LINGO2: variants seen among roughly 807,000 people sequenced by gnomAD.
LINGO2 encodes the protein leucine rich repeat and Ig domain containing 2, also known as leucine-rich repeat and immunoglobulin-like domain-containing nogo receptor-interacting protein 2.
In LINGO2, 14 loss-of-function variants were observed where a neutral mutation model predicts 30.6. The ratio of observed to expected loss-of-function variants is 0.46; its 90% confidence interval spans 0.30 to 0.72. The LOEUF is 0.72. Among genes scored for constraint, LINGO2 ranks in the 30% least tolerant of loss-of-function variants. The probability of loss-of-function intolerance (pLI) is 0.07; values close to 1 mark genes in which losing one functional copy is unlikely to be tolerated. For missense variants in LINGO2, 729 were observed against 751.7 expected (o/e 0.97, Z 0.35); for synonymous variants, 317 against 288.5 (o/e 1.10, Z -1.00).
the LINGO2 span, among the ~76,000 whole-genome samples, chr9:29,035,456 G>A: frequency 2.6e-5 from 4 of 151,922 alleles, no homozygotes; most frequent in South Asian, 6.3e-4. Context: ...CTCAGACTTG[G>A]ACGGTTGAAT....
At chr9:28,558,964 A>G (rs1822898844) in intron 1 of LINGO2, among the ~76,000 whole-genome samples, 1 of 152,058 alleles carries the variant, frequency 6.6e-6, no homozygotes, top group Non-Finnish European at 1.5e-5. Flanking sequence ...TAGAGAAAAA[A>G]GTAGTATATT....
At chr9:28,855,882 C>T in the LINGO2 span, among the ~76,000 whole-genome samples, 1 of 152,064 alleles carries the variant, frequency 6.6e-6, no homozygotes. Flanking sequence ...CCATCCCTGA[C>T]TATTCTTGCC....
the LINGO2 span, among the ~76,000 whole-genome samples, chr9:28,986,526 A>G: frequency 2.0e-5 from 3 of 152,038 alleles, no homozygotes; most frequent in South Asian, 6.2e-4. Context: ...CTTTCCATTT[A>G]TTTGTGTCTT....
chr9:28,771,399 T>C, the LINGO2 span, among the ~76,000 whole-genome samples: 1 of 151,956 alleles, frequency 6.6e-6, no homozygotes, highest in Admixed American at 6.6e-5. Flanking sequence ...TATGTCTTTC[T>C]GTGACTGAAA....
chr9:28,218,440 G>A (rs1820845617), intron 4 of LINGO2, among the ~76,000 whole-genome samples: 1 of 151,794 alleles, frequency 6.6e-6, no homozygotes, highest in South Asian at 2.1e-4. Context: ...TAGAAAACCA[G>A]TTCTGTCCAC....
chr9:29,141,465 A>G, the LINGO2 span, among the ~76,000 whole-genome samples: 1 of 151,932 alleles, frequency 6.6e-6, no homozygotes, highest in Admixed American at 6.6e-5. Context: ...TACAAAAATA[A>G]CAAAATGAAA....
intron 3 of LINGO2, among the ~76,000 whole-genome samples, chr9:28,302,897 G>C (rs1181766685): frequency 6.6e-6 from 1 of 152,122 alleles, no homozygotes; most frequent in Non-Finnish European, 1.5e-5. Flanking sequence ...AAAGCATGGG[G>C]TCAGAAAAGA....
chr9:28,073,472 C>T (rs1208099162), intron 4 of LINGO2, among the ~76,000 whole-genome samples: 3 of 152,112 alleles, frequency 2.0e-5, no homozygotes, highest in African/African-American at 7.2e-5. Flanking sequence ...TCCTGGCTCC[C>T]AGTTTCCATA....
chr9:28,226,395 T>C (rs1165974516), intron 4 of LINGO2, among the ~76,000 whole-genome samples: 1 of 152,046 alleles, frequency 6.6e-6, no homozygotes, highest in African/African-American at 2.4e-5. Context: ...CAGTCTCTTA[T>C]ATATACCTCC....
chr9:28,538,825 G>C (rs1023252958), intron 1 of LINGO2, among the ~76,000 whole-genome samples: 3 of 151,976 alleles, frequency 2.0e-5, no homozygotes, highest in Non-Finnish European at 4.4e-5. Flanking sequence ...TGTTGCATTG[G>C]GGTTTTGGGG....
chr9:28,917,176 G>C, the LINGO2 span, among the ~76,000 whole-genome samples: 2 of 152,134 alleles, frequency 1.3e-5, no homozygotes, highest in African/African-American at 4.8e-5. Flanking sequence ...TAATGAGTGA[G>C]AAGTGGGAAA....
At chr9:28,698,489 C>T in the LINGO2 span, among the ~76,000 whole-genome samples, 2 of 151,930 alleles carry the variant, frequency 1.3e-5, no homozygotes, top group African/African-American at 4.8e-5. Context: ...TGTGTTTTGG[C>T]AATTGTTTTA....
chr9:28,090,442 AACAG>A (rs1236075490), intron 4 of LINGO2, among the ~76,000 whole-genome samples: 1 of 152,224 alleles, frequency 6.6e-6, no homozygotes, highest in African/African-American at 2.4e-5. Context: ...CCAACATATA[AACAG>A]AACCAAAGAC....
At chr9:28,538,076 T>C (rs930815091) in intron 1 of LINGO2, among the ~76,000 whole-genome samples, 13 of 152,052 alleles carry the variant, frequency 8.5e-5, no homozygotes, top group African/African-American at 2.7e-4. Context: ...TAGAATTGTA[T>C]ACCTAGTTGG....
At chr9:28,858,402 T>A in the LINGO2 span, among the ~76,000 whole-genome samples, 9 of 152,166 alleles carry the variant, frequency 5.9e-5, 1 homozygote, top group African/African-American at 2.2e-4. Flanking sequence ...AATGTAGAAC[T>A]ACTGATCTAA....
chr9:28,503,789 G>C (rs1048775121), intron 1 of LINGO2, among the ~76,000 whole-genome samples: 1 of 151,788 alleles, frequency 6.6e-6, no homozygotes, highest in African/African-American at 2.4e-5. Flanking sequence ...GAATGTTGGT[G>C]GTGAGCAGGA....
chr9:28,609,161 T>TTG (rs963630580), intron 1 of LINGO2, among the ~76,000 whole-genome samples: 2 of 151,716 alleles, frequency 1.3e-5, no homozygotes, highest in South Asian at 2.1e-4. Flanking sequence ...AAAGAGTTTT[T>TTG]TTTTTTTTTT....
the LINGO2 span, among the ~76,000 whole-genome samples, chr9:28,930,463 T>A: frequency 6.6e-5 from 10 of 152,334 alleles, no homozygotes; most frequent in Admixed American, 2.0e-4. The surrounding 1 kb of genome is among the most constrained non-coding windows in gnomAD (Gnocchi z 4.2). Context: ...TAAGATTCAT[T>A]ATTTCCAAGC....
the LINGO2 span, among the ~76,000 whole-genome samples, chr9:29,099,601 G>A: frequency 2.0e-5 from 3 of 152,226 alleles, no homozygotes; most frequent in East Asian, 5.8e-4. Context: ...CTCGAAAGAA[G>A]ACATACTAGC....
Sources: gnomAD v4.1 joint callset for allele counts (sites outside exome capture counted in the v4.1 genomes callset) on GRCh38, gnomAD v4.1.1 for gene constraint, Gnocchi (gnomAD v3.1) non-coding constraint, MANE v1.5 for transcripts, NCBI Gene and HGNC (gene_info 2026-07-23, HGNC 2026-07-21) for gene names.